Variants in BMPR1B observed in about 807,000 individuals in gnomAD.
BMPR1B encodes bone morphogenetic protein receptor type 1B.
BMPR1B carries 12 observed loss-of-function variants against 59.1 expected under a neutral mutation model. The ratio of observed to expected loss-of-function variants is 0.20; its 90% confidence interval spans 0.13 to 0.33. BMPR1B has a LOEUF of 0.33. BMPR1B is among the 10% of genes least tolerant of loss of function. The pLI is 1.00. For synonymous variants in BMPR1B, 237 were observed against 207.3 expected, an observed-to-expected ratio of 1.14 and a Z score of -1.23; for missense variants, 550 against 610.9, an observed-to-expected ratio of 0.90 and a Z score of 1.05.
chr4:95,104,275 G>A (rs1351639404), intron 3 of BMPR1B, 133 bp from the exon 4 acceptor site: 11 of 1,062,480 alleles, frequency 1.0e-5, no homozygotes, highest in Non-Finnish European at 1.5e-5. Context: ...ATACCAAAAT[G>A]TCTGTTTTTC....
intron 1 of BMPR1B, among the ~76,000 whole-genome samples, chr4:94,838,675 G>A (rs1318322664): frequency 4.3e-5 from 6 of 140,646 alleles, no homozygotes; most frequent in South Asian, 2.3e-4. Context: ...TCTTACTAGC[G>A]GTCTATCAAT....
chr4:94,808,832 G>A (rs1317456483), intron 1 of BMPR1B, among the ~76,000 whole-genome samples: 6 of 152,104 alleles, frequency 3.9e-5, no homozygotes, highest in Admixed American at 2.0e-4. Flanking sequence ...CAAGGCGGGC[G>A]GATCACAAAG....
chr4:95,138,810 A>C (rs937322620), intron 10 of BMPR1B, among the ~76,000 whole-genome samples: 1 of 152,114 alleles, frequency 6.6e-6, no homozygotes, highest in Non-Finnish European at 1.5e-5. Context: ...CCATTCGTCT[A>C]ATCTTTTTTC....
intron 1 of BMPR1B, among the ~76,000 whole-genome samples, chr4:94,835,237 A>G (rs1036904314): frequency 2.0e-5 from 3 of 152,152 alleles, no homozygotes; most frequent in African/African-American, 7.2e-5. Context: ...GGTGGGGTTA[A>G]GTAGCCCAGG....
At chr4:94,831,386 T>C (rs978830228) in intron 1 of BMPR1B, among the ~76,000 whole-genome samples, 13 of 152,176 alleles carry the variant, frequency 8.5e-5, no homozygotes, top group African/African-American at 3.1e-4. Flanking sequence ...AAAAAAGTTA[T>C]AGTGAGCTAA....
intron 1 of BMPR1B, among the ~76,000 whole-genome samples, chr4:94,783,141 A>G (rs556912160): frequency 6.6e-6 from 1 of 152,194 alleles, no homozygotes; most frequent in Admixed American, 6.5e-5. Context: ...CTCTGTTGTT[A>G]TCACGCCAGC....
intron 1 of BMPR1B, among the ~76,000 whole-genome samples, chr4:94,817,774 G>T (rs1724064154): frequency 6.6e-6 from 1 of 152,262 alleles, no homozygotes; most frequent in South Asian, 2.1e-4. Flanking sequence ...CTAAGAAAAG[G>T]TATCAGGATC....
At chr4:94,983,666 G>A (rs746750038) in intron 2 of BMPR1B, among the ~76,000 whole-genome samples, 68 of 152,304 alleles carry the variant, frequency 4.5e-4, no homozygotes, top group Non-Finnish European at 4.7e-4. Context: ...TCTTACCACA[G>A]TGTCCCATAT....
intron 6 of BMPR1B, among the ~76,000 whole-genome samples, chr4:95,121,628 G>A (rs1732537265): frequency 6.6e-6 from 1 of 152,094 alleles, no homozygotes; most frequent in Admixed American, 6.6e-5. Flanking sequence ...GCATTGAGAA[G>A]GCAAGATAAT....
chr4:94,859,918 C>T (rs933385065), intron 1 of BMPR1B, among the ~76,000 whole-genome samples: 1 of 152,038 alleles, frequency 6.6e-6, no homozygotes, highest in Non-Finnish European at 1.5e-5. Context: ...CTTCCTTTTC[C>T]TGGGTCTCCA....
intron 3 of BMPR1B, among the ~76,000 whole-genome samples, chr4:95,048,645 T>G (rs1414014455): frequency 6.6e-6 from 1 of 152,224 alleles, no homozygotes; most frequent in Non-Finnish European, 1.5e-5. Context: ...TTTAATGCGA[T>G]TATTTGTGTT....
chr4:94,845,655 C>T (rs1339085181), intron 1 of BMPR1B, among the ~76,000 whole-genome samples: 3 of 152,152 alleles, frequency 2.0e-5, no homozygotes, highest in African/African-American at 7.2e-5. Flanking sequence ...CAAGGAAATT[C>T]TTAATTTAAG....
chr4:94,831,229 A>G (rs2110670765), intron 1 of BMPR1B, among the ~76,000 whole-genome samples: 1 of 142,180 alleles, frequency 7.0e-6, no homozygotes, highest in East Asian at 2.2e-4. Context: ...GAAAGTTTAA[A>G]AAGTAAAAAA....
At chr4:94,964,716 T>G (rs1313747264) in intron 2 of BMPR1B, among the ~76,000 whole-genome samples, 2 of 152,170 alleles carry the variant, frequency 1.3e-5, no homozygotes, top group Non-Finnish European at 2.9e-5. Context: ...GAAATAACAT[T>G]GGCTTTTACA....
chr4:95,096,450 A>G (rs968862532), intron 3 of BMPR1B, among the ~76,000 whole-genome samples: 2 of 151,324 alleles, frequency 1.3e-5, no homozygotes, highest in African/African-American at 2.4e-5. Flanking sequence ...AAATCTGTAA[A>G]TCTATTTCTA....
intron 3 of BMPR1B, among the ~76,000 whole-genome samples, chr4:95,031,038 A>T (rs2149156468): frequency 6.6e-6 from 1 of 152,046 alleles, no homozygotes; most frequent in South Asian, 2.1e-4. Flanking sequence ...TTCATATGGA[A>T]CCAAAAAAGA....
intron 1 of BMPR1B, among the ~76,000 whole-genome samples, chr4:94,768,507 CCT>C (rs1248363919): frequency 1.3e-5 from 2 of 152,056 alleles, no homozygotes; most frequent in Admixed American, 1.3e-4. Flanking sequence ...TTTTCCCTCC[CCT>C]TTCATTTTTA....
At chr4:95,104,047 C>A (rs1349480701) in intron 3 of BMPR1B, among the ~76,000 whole-genome samples, 1 of 151,714 alleles carries the variant, frequency 6.6e-6, no homozygotes, top group African/African-American at 2.4e-5. Context: ...AACTTTGAGT[C>A]TTAATTTTCT....
At chr4:94,994,283 T>G (rs1469410229) in intron 2 of BMPR1B, among the ~76,000 whole-genome samples, 1 of 152,200 alleles carries the variant, frequency 6.6e-6, no homozygotes, top group African/African-American at 2.4e-5. Flanking sequence ...TCTTACACTC[T>G]AAGCTCCAGC....
Sources: allele counts gnomAD v4.1 joint callset (sites outside exome capture counted in the v4.1 genomes callset), GRCh38; gene constraint gnomAD v4.1.1; transcripts MANE v1.5; gene names NCBI Gene and HGNC (gene_info 2026-07-23, HGNC 2026-07-21).